The following EFCAB10 variants were observed in gnomAD, a reference collection of about 807,000 sequenced individuals.
EFCAB10 encodes the protein EF-hand calcium-binding domain-containing protein 10.
A neutral mutation model predicts 7.7 loss-of-function variants in EFCAB10; 7 were observed. The observed-to-expected ratio is 0.91, with a 90% CI of 0.52 to 1.72. The LOEUF is 1.72. EFCAB10 is among the 40% of genes most tolerant of loss of function. The pLI, the probability that EFCAB10 is intolerant of heterozygous loss-of-function variation, is 0.00. For synonymous variants in EFCAB10, 52 were observed against 21.0 expected (o/e 2.47, Z -4.03); for missense variants, 112 against 61.5 (o/e 1.82, Z -2.74).
intron 1 of EFCAB10, among the ~76,000 whole-genome samples, chr7:105,580,208 G>T (rs1402601169): frequency 6.6e-6 from 1 of 151,908 alleles, no homozygotes; most frequent in Non-Finnish European, 1.5e-5. Context: ...GCTGGTCTAT[G>T]AACTCCTGAA....
chr7:105,575,942 C>G (rs1792067081), intron 1 of EFCAB10, among the ~76,000 whole-genome samples: 1 of 152,092 alleles, frequency 6.6e-6, no homozygotes. Flanking sequence ...GAGGCTGAGG[C>G]AGGAGAATCA....
intron 1 of EFCAB10, among the ~76,000 whole-genome samples, chr7:105,570,054 C>T (rs2668886): frequency 3.8e-4 from 57 of 150,046 alleles, no homozygotes; most frequent in Non-Finnish European, 7.6e-4. Flanking sequence ...GAAATCCCAT[C>T]TCTAGTAAAG....
chr7:105,567,515 A>C (rs1184485554), intron 3 of EFCAB10, 25 bp from the exon 4 acceptor site: 5 of 690,140 alleles, frequency 7.2e-6, no homozygotes, highest in Admixed American at 6.6e-5. Context: ...ACAGAAAACG[A>C]AACAATGAAA....
chr7:105,577,821 C>G (rs1020216720), intron 1 of EFCAB10, among the ~76,000 whole-genome samples: 3 of 151,768 alleles, frequency 2.0e-5, no homozygotes, highest in Non-Finnish European at 2.9e-5. Flanking sequence ...CGCGTTCAAG[C>G]GATTCTCCTG....
At chr7:105,572,113 T>C (rs1483057075) in intron 1 of EFCAB10, 1 of 152,198 alleles carries the variant, frequency 6.6e-6, no homozygotes, top group African/African-American at 2.4e-5. Flanking sequence ...ATATAAAATA[T>C]ATTATTAACT....
At chr7:105,569,765 G>A (rs1172551276) in intron 1 of EFCAB10, among the ~76,000 whole-genome samples, 194 bp from the exon 2 acceptor site, 3 of 152,054 alleles carry the variant, frequency 2.0e-5, no homozygotes, top group Non-Finnish European at 2.9e-5. Flanking sequence ...ATATACAAAT[G>A]CCCTATCTCA....
In EFCAB10 at chr7:105,567,267, A is replaced by T. The variant is rs1296819896; in HGVS notation, c.383+200T>A. The T allele has an allele frequency of 1.4e-5, 23 of 1,609,196 alleles. No individual in the cohort carries two copies. Among genetic ancestry groups the T allele is most frequent in the Non-Finnish European group, 1.9e-5 (22 of 1,178,728 alleles). ...CAAACTGGCTCAACAAGATGTTGAG[A>T]TTCTACTTAATTTGAGGACAAATTG... On this transcript the variant is annotated intron_variant, in intron 4 of 4. Transcript: ENST00000480514.
chr7:105,577,701 CT>C (rs1162808795), intron 1 of EFCAB10, among the ~76,000 whole-genome samples: 1 of 149,984 alleles, frequency 6.7e-6, no homozygotes, highest in Non-Finnish European at 1.5e-5. Flanking sequence ...TGCCATGGTG[CT>C]TTTGTCTGTT....
At chr7:105,577,831 G>A (rs1299351404) in intron 1 of EFCAB10, among the ~76,000 whole-genome samples, 1 of 151,474 alleles carries the variant, frequency 6.6e-6, no homozygotes, top group Admixed American at 6.6e-5. Flanking sequence ...CGATTCTCCT[G>A]TCTCAGCCTC....
intron 1 of EFCAB10, among the ~76,000 whole-genome samples, chr7:105,580,505 G>A (rs886411002): frequency 6.6e-6 from 1 of 151,966 alleles, no homozygotes; most frequent in Non-Finnish European, 1.5e-5. Context: ...TTTGAGATAG[G>A]ATCTCGCTTT....
At chr7:105,580,988 G>A (rs147719917) in intron 1 of EFCAB10, among the ~76,000 whole-genome samples, 84 of 152,304 alleles carry the variant, frequency 5.5e-4, no homozygotes, top group African/African-American at 2.0e-3. Flanking sequence ...GAGGCGCCGA[G>A]GCGTGCAGAT....
intron 3 of EFCAB10, among the ~76,000 whole-genome samples, chr7:105,568,525 A>G (rs1349201805): frequency 6.6e-6 from 1 of 152,204 alleles, no homozygotes; most frequent in Non-Finnish European, 1.5e-5. Context: ...GATAGATTCT[A>G]TTAGTATGTA....
chr7:105,567,578 A>C (rs1055516221), intron 3 of EFCAB10, 88 bp from the exon 4 acceptor site: 1 of 609,770 alleles, frequency 1.6e-6, no homozygotes, highest in Non-Finnish European at 2.9e-6. Flanking sequence ...GAAGACGAGC[A>C]GAGATATTAA....
At position 105,569,202 on chromosome 7, in the gene EFCAB10, C is replaced by T. The variant is rs1791873085; in HGVS notation, c.359+1G>A. ...TATTTGTCACTTAAAAATAAACTTACACTTCCTCCTTGAATTTATCCAAAG... is the reference window on the plus strand; with the variant it reads ...TATTTGTCACTTAAAAATAAACTTATACTTCCTCCTTGAATTTATCCAAAG... On this transcript the variant is annotated splice_donor_variant, in intron 3 of 4. Transcript: ENST00000480514. LOFTEE classifies it high-confidence loss of function. The T allele has an allele frequency of 1.4e-6, 1 of 700,786 alleles. No individual in the cohort carries two copies. The highest frequency in any genetic ancestry group is 2.6e-6 in the Non-Finnish European group (1 of 384,926). The allele number at this position is 700,786 out of a possible 1,614,324, so 43.4% of individuals were successfully genotyped here.
chr7:105,569,905 T>C (rs1200725111), intron 1 of EFCAB10, among the ~76,000 whole-genome samples: 1 of 151,844 alleles, frequency 6.6e-6, no homozygotes, highest in Non-Finnish European at 1.5e-5. Flanking sequence ...AGGGAAGAAG[T>C]TGGCAACCTA....
chr7:105,566,568 A>G (rs1470528086), intron 4 of EFCAB10: 1 of 152,110 alleles, frequency 6.6e-6, no homozygotes, highest in East Asian at 1.9e-4. Context: ...GCTACTTGAG[A>G]GGCTGAGGCT....
chr7:105,581,051 C>A (rs1440563208), intron 1 of EFCAB10, among the ~76,000 whole-genome samples: 1 of 152,146 alleles, frequency 6.6e-6, no homozygotes, highest in East Asian at 1.9e-4. Context: ...GAAACCCTGT[C>A]GCTACTAAAA....
intron 1 of EFCAB10, among the ~76,000 whole-genome samples, chr7:105,581,117 G>A (rs190929826): frequency 2.1e-4 from 32 of 152,310 alleles, no homozygotes; most frequent in African/African-American, 7.7e-4. Context: ...CCACTCAGGA[G>A]GCTGAGGCAG....
chr7:105,567,714 T>G (rs1237929912), intron 3 of EFCAB10: 6 of 481,552 alleles, frequency 1.2e-5, no homozygotes. Flanking sequence ...CACCTGTATC[T>G]AGTTTGGGAA....
Sources: gnomAD v4.1 joint callset for allele counts (sites outside exome capture counted in the v4.1 genomes callset) on GRCh38, gnomAD v4.1.1 for gene constraint, MANE v1.5 for transcripts, NCBI Gene and HGNC (gene_info 2026-07-23, HGNC 2026-07-21) for gene names.